Variants in ATRNL1 observed in about 807,000 individuals in gnomAD.
ATRNL1 encodes the protein attractin-like protein 1.
ATRNL1 carries 95 observed loss-of-function variants against 182.7 expected under a neutral mutation model. The observed-to-expected ratio is 0.52, with a 90% CI of 0.44 to 0.62. The LOEUF (loss-of-function observed/expected upper bound fraction) is 0.62. ATRNL1 is among the 20% of genes least tolerant of loss of function. The pLI, the probability that ATRNL1 is intolerant of heterozygous loss-of-function variation, is 0.00. For missense variants in ATRNL1, 1,471 were observed against 1,679.5 expected (o/e 0.88, Z 2.17); for synonymous variants, 576 against 568.3 (o/e 1.01, Z -0.19).
chr10:115,135,978 C>G (rs1845493891), intron 5 of ATRNL1, among the ~76,000 whole-genome samples: 2 of 151,890 alleles, frequency 1.3e-5, no homozygotes, highest in Non-Finnish European at 2.9e-5. Context: ...CCCAACTCAG[C>G]CTCCGGAGTA....
At chr10:115,733,742 T>G (rs1555064203) in intron 27 of ATRNL1, among the ~76,000 whole-genome samples, 1 of 152,192 alleles carries the variant, frequency 6.6e-6, no homozygotes, top group East Asian at 1.9e-4. Context: ...CCAGGTTTCC[T>G]TTTTTCTTAT....
At chr10:115,216,212 C>A (rs1418711236) in intron 9 of ATRNL1, among the ~76,000 whole-genome samples, 2 of 152,206 alleles carry the variant, frequency 1.3e-5, no homozygotes, top group Non-Finnish European at 2.9e-5. Context: ...TGCTACACTG[C>A]ACTTCTTGCA....
intron 17 of ATRNL1, among the ~76,000 whole-genome samples, chr10:115,307,326 A>T (rs1853783425): frequency 6.6e-6 from 1 of 152,026 alleles, no homozygotes; most frequent in Admixed American, 6.6e-5. Context: ...GCAGTGGCAC[A>T]ATCTTGGCCC....
intron 8 of ATRNL1, among the ~76,000 whole-genome samples, chr10:115,183,397 A>T (rs1295226468): frequency 1.3e-5 from 2 of 151,526 alleles, no homozygotes; most frequent in Non-Finnish European, 3.0e-5. Context: ...GCTGAAATTA[A>T]TGATGTAAGA....
chr10:115,162,363 G>A (rs1343605921), intron 6 of ATRNL1, among the ~76,000 whole-genome samples: 1 of 151,976 alleles, frequency 6.6e-6, no homozygotes, highest in East Asian at 1.9e-4. Flanking sequence ...GAGATCAGAG[G>A]ATTGCAGTTA....
At chr10:115,642,710 G>T (rs184654573) in intron 26 of ATRNL1, among the ~76,000 whole-genome samples, 1 of 152,262 alleles carries the variant, frequency 6.6e-6, no homozygotes, top group East Asian at 1.9e-4. Context: ...CTCCCAAAGT[G>T]CTGGGATTAC....
chr10:115,104,341 T>G (rs1405360408), intron 1 of ATRNL1, among the ~76,000 whole-genome samples: 1 of 152,238 alleles, frequency 6.6e-6, no homozygotes, highest in Non-Finnish European at 1.5e-5. Flanking sequence ...GTATGTCTTC[T>G]TTTGAGAAAT....
At chr10:115,924,763 T>C (rs1372023013) in intron 28 of ATRNL1, among the ~76,000 whole-genome samples, 2 of 152,218 alleles carry the variant, frequency 1.3e-5, no homozygotes, top group African/African-American at 4.8e-5. Flanking sequence ...AAATCTAAAG[T>C]AGTTTTTTCT....
chr10:115,837,560 T>TC (rs1950707874), intron 27 of ATRNL1, among the ~76,000 whole-genome samples: 1 of 150,874 alleles, frequency 6.6e-6, no homozygotes, highest in Non-Finnish European at 1.5e-5. Flanking sequence ...TCTAAGCATA[T>TC]CCATCCATAA....
chr10:115,881,349 C>T (rs782393964), intron 28 of ATRNL1, among the ~76,000 whole-genome samples: 5 of 152,176 alleles, frequency 3.3e-5, no homozygotes, highest in Admixed American at 6.5e-5. Context: ...GAGTCTTGTG[C>T]AGTGATGAAC....
At chr10:115,824,455 G>T (rs1317796131) in intron 27 of ATRNL1, among the ~76,000 whole-genome samples, 1 of 152,064 alleles carries the variant, frequency 6.6e-6, no homozygotes, top group African/African-American at 2.4e-5. Context: ...AAGAGTTTCT[G>T]CACAGCAAAG....
rs116403831 is a variant in ATRNL1 at position 115,783,335 on chromosome 10, G to A, written c.3903+55980G>A. On this transcript the variant is annotated intron_variant, in intron 27 of 28. Coordinates refer to ENST00000355044, the MANE Select transcript of ATRNL1 (RefSeq NM_207303.4). ...TTCTAAATTAGACTGATAAAAATCC[G>A]TAGACATATGGGCCTCTGTCATGAT... is the stretch of plus-strand genomic sequence containing the variant. 3.4e-3 allele frequency among the ~76,000 whole-genome samples: 510 copies of A among 152,070 alleles called. 2 individuals carry two copies. Among genetic ancestry groups the A allele is most frequent in the African/African-American group, 0.012 (478 of 41,472 alleles).
intron 10 of ATRNL1, among the ~76,000 whole-genome samples, chr10:115,247,240 A>T (rs1361000780): frequency 2.6e-5 from 4 of 152,184 alleles, no homozygotes; most frequent in Admixed American, 6.5e-5. Context: ...AGGGGAGAAA[A>T]TATTTGCAAA....
At chr10:115,213,415 C>T (rs1036303311) in intron 8 of ATRNL1, among the ~76,000 whole-genome samples, 4 of 151,970 alleles carry the variant, frequency 2.6e-5, no homozygotes, top group Admixed American at 1.3e-4. Context: ...CCATTGGACT[C>T]GTGTTCAGTT....
At chr10:115,599,260 A>G (rs1274828228) in intron 26 of ATRNL1, among the ~76,000 whole-genome samples, 3 of 152,112 alleles carry the variant, frequency 2.0e-5, no homozygotes, top group Admixed American at 1.3e-4. Context: ...CAAGTGACAG[A>G]GTTTTTTCAT....
chr10:115,313,387 T>C (rs1854133449), intron 17 of ATRNL1, among the ~76,000 whole-genome samples: 1 of 152,136 alleles, frequency 6.6e-6, no homozygotes, highest in Admixed American at 6.5e-5. Flanking sequence ...CTTTCAGTCA[T>C]GAAGGCTCTG....
intron 6 of ATRNL1, among the ~76,000 whole-genome samples, chr10:115,161,570 A>G (rs1237099229): frequency 6.6e-6 from 1 of 152,080 alleles, no homozygotes; most frequent in Non-Finnish European, 1.5e-5. Flanking sequence ...GGAAGTTTGT[A>G]AATTTTAAGT....
At position 115,580,397 on chromosome 10, in the gene ATRNL1, G is replaced by A. The variant is rs529972273; in HGVS notation, c.3795+30861G>A. 2.0e-5 allele frequency among the ~76,000 whole-genome samples: 3 copies of A among 152,042 alleles called. No individual in the cohort carries two copies. The South Asian group carries it at 6.2e-4, about 32-fold the overall frequency. On this transcript the variant is annotated intron_variant, in intron 26 of 28. Coordinates refer to ENST00000355044, the MANE Select transcript of ATRNL1 (RefSeq NM_207303.4). ...TATAGATGGCAATTTGTTTCTTTTA[G>A]CATTTTGAATATATTTTTCTGCCCC...
At chr10:115,527,927 C>CTT (rs1554987053) in intron 25 of ATRNL1, among the ~76,000 whole-genome samples, 3 of 111,294 alleles carry the variant, frequency 2.7e-5, no homozygotes, top group Non-Finnish European at 5.8e-5. Flanking sequence ...TCCCTTCCTC[C>CTT]CTCCTTCCTT....
Sources: gnomAD v4.1 joint callset for allele counts (sites outside exome capture counted in the v4.1 genomes callset) on GRCh38, gnomAD v4.1.1 for gene constraint, MANE v1.5 for transcripts, NCBI Gene and HGNC (gene_info 2026-07-23, HGNC 2026-07-21) for gene names.